Variants in IL31RA observed in about 807,000 individuals in gnomAD.
IL31RA encodes the protein interleukin 31 receptor A.
Under a neutral mutation model 83.7 loss-of-function variants are expected in IL31RA, and 66 were observed. That is an observed-to-expected ratio of 0.79 (90% CI 0.65 to 0.97). The LOEUF (loss-of-function observed/expected upper bound fraction) is 0.97. Among genes scored for constraint, IL31RA ranks in the 50% least tolerant of loss-of-function variants. The pLI is 0.00. For synonymous variants in IL31RA, 325 were observed against 329.0 expected (o/e 0.99, Z 0.13); for missense variants, 798 against 919.4 (o/e 0.87, Z 1.71).
Position 55,872,407 on chromosome 5 carries a change from G to T in IL31RA, c.410G>T (p.Gly137Val), listed in dbSNP as rs745800918. 23 of 1,610,804 alleles carry T rather than the reference G, an allele frequency of 1.4e-5. No individual in the cohort carries two copies. The highest frequency in any genetic ancestry group is 1.7e-5 in the Non-Finnish European group (20 of 1,177,166). ...GAGGTGGAAGCTGAAAATGGAGATG[G>T]TGTAATTAAATCTCATATGACATAC... The part of the protein sequence containing the change: ...TIEVEAENGD[G>V]VIKSHMTYWR... The change falls in exon 4 of 15, where the codon GGT (glycine) becomes GTT (valine). Residue 137 changes from glycine (G) to valine (V), a missense_variant. Coordinates refer to ENST00000652347, the MANE Select transcript of IL31RA (RefSeq NM_139017.7).
intron 11 of IL31RA, chr5:55,909,019 C>T (rs1219462324): frequency 2.3e-6 from 1 of 441,774 alleles, no homozygotes; most frequent in East Asian, 1.2e-4. Flanking sequence ...CAAATAGAAG[C>T]CCTATACCCA....
At chr5:55,898,764 C>T (rs900408881) in intron 7 of IL31RA, among the ~76,000 whole-genome samples, 6 of 151,806 alleles carry the variant, frequency 4.0e-5, no homozygotes, top group African/African-American at 1.2e-4. Context: ...TGGACTGGGC[C>T]GGTAATCCCA....
intron 5 of IL31RA, among the ~76,000 whole-genome samples, chr5:55,883,546 A>G (rs1291084755): frequency 6.6e-6 from 1 of 152,230 alleles, no homozygotes; most frequent in East Asian, 1.9e-4. Context: ...ATCATGAGGT[A>G]TAACATACAT....
intron 5 of IL31RA, among the ~76,000 whole-genome samples, chr5:55,883,845 G>C (rs1747417632): frequency 1.3e-5 from 2 of 152,178 alleles, no homozygotes; most frequent in African/African-American, 4.8e-5. Context: ...AATAGAGGAG[G>C]AGCATATAAA....
At chr5:55,841,904 G>T in the IL31RA span, among the ~76,000 whole-genome samples, 2 of 151,578 alleles carry the variant, frequency 1.3e-5, no homozygotes, top group Non-Finnish European at 2.9e-5. Flanking sequence ...GTTCCTTCTG[G>T]AGTCTCTGAG....
chr5:55,884,645 T>G (rs991098803), intron 5 of IL31RA, among the ~76,000 whole-genome samples: 8 of 152,182 alleles, frequency 5.3e-5, no homozygotes, highest in African/African-American at 1.7e-4. Flanking sequence ...GGTCTGGAAC[T>G]CCTGGTCTTA....
At chr5:55,880,457 T>G (rs551021164) in intron 4 of IL31RA, among the ~76,000 whole-genome samples, 1 of 152,266 alleles carries the variant, frequency 6.6e-6, no homozygotes, top group South Asian at 2.1e-4. Flanking sequence ...ACACACCAAC[T>G]ATGTACTCAA....
Position 55,917,382 on chromosome 5 carries a change from G to A in IL31RA, c.*262G>A, listed in dbSNP as rs566355971. On this transcript the variant is annotated 3_prime_UTR_variant, in exon 15 of 15. Transcript: ENST00000652347. ...GTTCAGATACCAAGCTCTCACCGAG[G>A]CCTCCTGACAGATTGACTTTGAAGG... is the stretch of plus-strand genomic sequence containing the variant. 7.9e-7 allele frequency: 1 copy of A among 1,270,984 alleles called. No individual in the cohort carries two copies. The allele number at this position is 1,270,984 out of a possible 1,614,324, so 78.7% of individuals were successfully genotyped here.
chr5:55,906,407 C>T (rs1005711242), intron 9 of IL31RA, 119 bp downstream of exon 9: 14 of 948,564 alleles, frequency 1.5e-5, no homozygotes, highest in Middle Eastern at 3.1e-4. Flanking sequence ...ATTTGTCAAG[C>T]TTGTGCAAGC....
intron 8 of IL31RA, among the ~76,000 whole-genome samples, chr5:55,905,659 A>C (rs772301839): frequency 4.6e-5 from 7 of 152,230 alleles, no homozygotes; most frequent in Non-Finnish European, 1.0e-4. Flanking sequence ...GTGCAGAGCC[A>C]GACTATATAG....
intron 9 of IL31RA, 80 bp downstream of exon 9, chr5:55,906,368 G>GA: frequency 7.4e-7 from 1 of 1,343,986 alleles, no homozygotes; most frequent in South Asian, 1.2e-5. Context: ...TTTAACTTTG[G>GA]CTTCAAAGCT....
At chr5:55,886,550 G>A (rs925292618) in intron 5 of IL31RA, among the ~76,000 whole-genome samples, 2 of 151,992 alleles carry the variant, frequency 1.3e-5, no homozygotes, top group Non-Finnish European at 2.9e-5. Flanking sequence ...TTGGGATTAT[G>A]GGCATAAGCC....
At position 55,889,971 on chromosome 5, in the gene IL31RA, T is replaced by C; in HGVS notation, c.608T>C (p.Met203Thr). ...RFRTVNSTSWMEVNFAKNRKD... is the reference protein window; with the variant it reads ...RFRTVNSTSWTEVNFAKNRKD... ...TTTAGGATTGTCTCTGTCTTGTAGA[T>C]GGAAGTCAACTTCGCTAAGAACCGT... The change falls in exon 6 of 15, where the codon ATG (methionine) becomes ACG (threonine). Residue 203 changes from methionine (M) to threonine (T), a missense_variant and splice_region_variant. Met to Thr is a moderately conservative substitution (Grantham distance 81). Transcript: ENST00000652347. The C allele has an allele frequency of 6.2e-7, 1 of 1,614,094 alleles. No individual in the cohort carries two copies. The highest frequency in any genetic ancestry group is 8.5e-7 in the Non-Finnish European group (1 of 1,179,924).
At position 55,918,375 on chromosome 5, in the gene IL31RA, A is replaced by T. The variant is rs58223788; in HGVS notation, c.*1255A>T. 6.6e-6 allele frequency among the ~76,000 whole-genome samples: 1 copy of T among 152,172 alleles called. No homozygotes were observed. The highest frequency in any genetic ancestry group is 2.4e-5 in the African/African-American group (1 of 41,426). ...CATGAACTTCGCAAGCCACCCACTC[A>T]GGTGTGCAAAACATCACTTTACTTT... is the stretch of plus-strand genomic sequence containing the variant. On this transcript the variant is annotated 3_prime_UTR_variant, in exon 15 of 15. Coordinates refer to ENST00000652347, the MANE Select transcript of IL31RA (RefSeq NM_139017.7).
intron 4 of IL31RA, 91 bp from the exon 5 acceptor site, chr5:55,882,953 C>G (rs1021677908): frequency 8.5e-6 from 10 of 1,173,770 alleles, no homozygotes; most frequent in Non-Finnish European, 1.3e-5. Context: ...GACCACAATG[C>G]ACGTATCATT....
intron 5 of IL31RA, among the ~76,000 whole-genome samples, chr5:55,889,633 C>T (rs936547680): frequency 2.0e-5 from 3 of 152,178 alleles, no homozygotes; most frequent in African/African-American, 4.8e-5. Context: ...CCTCCTAGGC[C>T]CAGGTTGCCC....
At chr5:55,867,298 T>C (rs1170148097) in intron 2 of IL31RA, among the ~76,000 whole-genome samples, 1 of 102,332 alleles carries the variant, frequency 9.8e-6, no homozygotes, top group African/African-American at 4.2e-5. Flanking sequence ...TGCATGTGTG[T>C]GTGTGCGTGT....
intron 4 of IL31RA, among the ~76,000 whole-genome samples, chr5:55,882,626 G>C (rs1374121010): frequency 3.3e-5 from 5 of 152,208 alleles, no homozygotes; most frequent in Non-Finnish European, 7.3e-5. Flanking sequence ...TAAAATGTTT[G>C]CAGTGTGCAA....
chr5:55,873,198 T>C (rs1227678655), intron 4 of IL31RA, among the ~76,000 whole-genome samples: 4 of 152,198 alleles, frequency 2.6e-5, no homozygotes, highest in Non-Finnish European at 5.9e-5. Flanking sequence ...CTTAGCATAA[T>C]GTTTTCAAGG....
Sources: gnomAD v4.1 joint callset for allele counts (sites outside exome capture counted in the v4.1 genomes callset) on GRCh38, gnomAD v4.1.1 for gene constraint, MANE v1.5 for transcripts, NCBI Gene and HGNC (gene_info 2026-07-23, HGNC 2026-07-21) for gene names.